MMEL1: variants seen among roughly 807,000 people sequenced by gnomAD.
MMEL1 encodes membrane metalloendopeptidase like 1.
Under a neutral mutation model 117.1 loss-of-function variants are expected in MMEL1, and 98 were observed. That is an observed-to-expected ratio of 0.84 (90% confidence interval 0.71 to 0.99). MMEL1 has a LOEUF of 0.99. MMEL1 is among the 50% of genes least tolerant of loss of function. The pLI is 0.00. For synonymous variants in MMEL1, 390 were observed against 415.1 expected (o/e 0.94, Z 0.74); for missense variants, 1,014 against 1,049.1 (o/e 0.97, Z 0.46).
At chr1:2,598,929 G>A in intron 11 of MMEL1, 139 bp from the exon 12 acceptor site, 2 of 706,142 alleles carry the variant, frequency 2.8e-6, no homozygotes, top group Non-Finnish European at 4.5e-6. Flanking sequence ...TCAGGAAAGG[G>A]TGGGTGACAT....
chr1:2,593,719 C>T (rs954737421), intron 19 of MMEL1, 95 bp downstream of exon 19: 59 of 1,431,792 alleles, frequency 4.1e-5, no homozygotes, highest in South Asian at 4.1e-4. Flanking sequence ...CCACTGAAAC[C>T]GTGAAGGGGT....
chr1:2,605,639 G>A lies in MMEL1; in HGVS notation c.751-16C>T, dbSNP rs575586908. 177 of 1,608,648 alleles carry A rather than the reference G, an allele frequency of 1.1e-4. 2 individuals carry two copies. The South Asian group carries it at 1.8e-3, about 16-fold the overall frequency. ...GCTGGTCTATCTGGAAATACAGAAG[G>A]TGTGACCCTGGGCAAGGGGCCCGGG... On this transcript the variant is annotated splice_polypyrimidine_tract_variant and intron_variant, in intron 8 of 23. Coordinates refer to ENST00000378412, the MANE Select transcript of MMEL1 (RefSeq NM_033467.4).
chr1:2,618,463 T>C (rs1645237996), intron 2 of MMEL1, among the ~76,000 whole-genome samples: 3 of 152,246 alleles, frequency 2.0e-5, no homozygotes, highest in African/African-American at 7.2e-5. Flanking sequence ...TAAAACAATC[T>C]TGATGTAAAT....
At chr1:2,604,007 G>A in intron 10 of MMEL1, 34 bp from the exon 11 acceptor site, 1 of 1,608,978 alleles carries the variant, frequency 6.2e-7, no homozygotes, top group East Asian at 2.2e-5. Context: ...CGGGCGGGTG[G>A]CCAGGATGCC....
intron 2 of MMEL1, among the ~76,000 whole-genome samples, chr1:2,622,926 C>G (rs1004275991): frequency 2.0e-5 from 3 of 150,216 alleles, no homozygotes; most frequent in Non-Finnish European, 4.4e-5. Flanking sequence ...TGGCTTACCC[C>G]TGTAATCCCA....
intron 17 of MMEL1, 122 bp downstream of exon 17, chr1:2,594,668 C>T (rs1297371327): frequency 2.1e-6 from 2 of 941,558 alleles, no homozygotes; most frequent in African/African-American, 3.2e-5. Context: ...AGTGACTGCA[C>T]CCCTCAGCTG....
rs761219910 is a variant in MMEL1 at position 2,609,439 on chromosome 1, T to A, written c.455-20A>T. On this transcript the variant is annotated intron_variant, in intron 5 of 23. Transcript: ENST00000378412. Reference sequence around the variant, plus strand: ...GCACCGCTGTGGGCACAGGAAAAGGTTGGACAGAGGCCTGACGAGGCTGCA... The same window carrying A: ...GCACCGCTGTGGGCACAGGAAAAGGATGGACAGAGGCCTGACGAGGCTGCA... The A allele has an allele frequency of 6.2e-7, 1 of 1,604,846 alleles. No individual in the cohort carries two copies. Among genetic ancestry groups the A allele is most frequent in the African/African-American group, 1.3e-5 (1 of 74,796 alleles).
intron 1 of MMEL1, among the ~76,000 whole-genome samples, chr1:2,630,769 G>C (rs1482681468): frequency 7.2e-6 from 1 of 139,608 alleles, no homozygotes; most frequent in Non-Finnish European, 1.6e-5. Context: ...GCATTATGTG[G>C]ATATGCACGT....
rs746358085 is a variant in MMEL1 at position 2,609,400 on chromosome 1, A to C, written c.474T>G (p.Thr158=). 4 of 1,611,456 alleles carry C rather than the reference A, an allele frequency of 2.5e-6. No homozygotes were observed. The highest frequency in any genetic ancestry group is 3.4e-6 in the Non-Finnish European group (4 of 1,179,258). ...TCTCCACAGCCGGCCGGTCCTTGGC[A>C]GTCGAATTCTCCAGCACCGCTGTGG... ...VILKAVLENS[T]AKDRPAVEKA... Residue 158 remains threonine (T), a synonymous_variant, in exon 6 of 24, where the codon ACT becomes ACG. Coordinates refer to ENST00000378412, the MANE Select transcript of MMEL1 (RefSeq NM_033467.4).
intron 2 of MMEL1, among the ~76,000 whole-genome samples, chr1:2,622,267 T>C (rs1645301238): frequency 6.6e-6 from 1 of 152,220 alleles, no homozygotes; most frequent in Non-Finnish European, 1.5e-5. Context: ...AGTGCTTCCC[T>C]AACATGAATG....
chr1:2,626,998 C>G (rs1178436631), intron 2 of MMEL1, among the ~76,000 whole-genome samples: 1 of 152,144 alleles, frequency 6.6e-6, no homozygotes, highest in South Asian at 2.1e-4. Context: ...TTGAAAGAGA[C>G]ACATCTAAAG....
intron 19 of MMEL1, among the ~76,000 whole-genome samples, chr1:2,593,201 C>A (rs1338030658): frequency 6.6e-6 from 1 of 152,228 alleles, no homozygotes; most frequent in Non-Finnish European, 1.5e-5. Context: ...CATGCCACCC[C>A]CTGAGGCTAG....
chr1:2,605,838 G>T (rs1052722425), intron 8 of MMEL1, among the ~76,000 whole-genome samples: 22 of 151,946 alleles, frequency 1.4e-4, no homozygotes. Context: ...TGGCGGGGGT[G>T]GGGTGGGGAG....
intron 21 of MMEL1, 29 bp downstream of exon 21, chr1:2,592,626 C>G: frequency 6.8e-7 from 1 of 1,466,304 alleles, no homozygotes; most frequent in Non-Finnish European, 9.0e-7. Context: ...CCCTGCCGCG[C>G]TGACGCCCCC....
At chr1:2,607,740 C>G (rs1222289982) in intron 6 of MMEL1, among the ~76,000 whole-genome samples, 5 of 152,136 alleles carry the variant, frequency 3.3e-5, no homozygotes, top group South Asian at 4.1e-4. Context: ...AGAGGGGAGG[C>G]CCGAGTGGGC....
At chr1:2,607,818 G>T (rs1645054406) in intron 6 of MMEL1, among the ~76,000 whole-genome samples, 1 of 152,070 alleles carries the variant, frequency 6.6e-6, no homozygotes, top group Non-Finnish European at 1.5e-5. Context: ...TCTGGGCTTG[G>T]CTAGGGTCCT....
In MMEL1 at chr1:2,603,935, G is replaced by A; in HGVS notation, c.990C>T (p.Ala330=). 1 of 1,613,922 alleles carries A rather than the reference G, an allele frequency of 6.2e-7. No individual in the cohort carries two copies. The highest frequency in any genetic ancestry group is 8.5e-7 in the Non-Finnish European group (1 of 1,179,994). Residue 330 remains alanine (A), a synonymous_variant, in exon 11 of 24, where the codon GCC becomes GCT. Coordinates refer to ENST00000378412, the MANE Select transcript of MMEL1 (RefSeq NM_033467.4). ...VPQEERHDVI[A]LYHRMGLEEL... ...CCTCCAGTCCCATCCGGTGGTACAA[G>A]GCGATGACGTCGTGTCTCTCCTCCT... is the stretch of plus-strand genomic sequence containing the variant.
intron 12 of MMEL1, 114 bp from the exon 13 acceptor site, chr1:2,598,414 T>C (rs1644880782): frequency 8.1e-7 from 1 of 1,238,970 alleles, no homozygotes; most frequent in Non-Finnish European, 1.1e-6. Context: ...TTATGGGTGC[T>C]GGAGAAAACC....
chr1:2,598,392 C>T lies in MMEL1; in HGVS notation c.1179-92G>A, dbSNP rs1022949009. On this transcript the variant is annotated intron_variant, in intron 12 of 23. Transcript: ENST00000378412. ...CTTAGGGCCCTTGGCCAGCACGTTCCACCCCAGAGAGTTATGGGTGCTGGA... is the reference window on the plus strand; with the variant it reads ...CTTAGGGCCCTTGGCCAGCACGTTCTACCCCAGAGAGTTATGGGTGCTGGA... 10 of 1,359,590 alleles carry T rather than the reference C, an allele frequency of 7.4e-6. No individual in the cohort carries two copies. The Admixed American group carries it at 1.9e-4, about 25-fold the overall frequency. The allele number at this position is 1,359,590 out of a possible 1,614,324, so 84.2% of individuals were successfully genotyped here.
Sources: gnomAD v4.1 joint callset for allele counts (sites outside exome capture counted in the v4.1 genomes callset) on GRCh38, gnomAD v4.1.1 for gene constraint, MANE v1.5 for transcripts, NCBI Gene and HGNC (gene_info 2026-07-23, HGNC 2026-07-21) for gene names.